LRPAP1: variants seen among roughly 807,000 people sequenced by gnomAD.
LRPAP1 encodes the protein alpha-2-macroglobulin receptor-associated protein.
LRPAP1 carries 41 observed loss-of-function variants against 39.9 expected under a neutral mutation model. That is an observed-to-expected ratio of 1.03 (90% confidence interval 0.80 to 1.33). The LOEUF is 1.33. Among genes scored for constraint, LRPAP1 ranks in the 40% most tolerant of loss-of-function variants. The pLI is 0.00. For synonymous variants in LRPAP1, 263 were observed against 212.7 expected (o/e 1.24, Z -2.06); for missense variants, 565 against 482.3 (o/e 1.17, Z -1.61).
In LRPAP1 at chr4:3,520,151, C is replaced by T. The variant is rs367608534; in HGVS notation, c.392G>A (p.Arg131Gln). The T allele has an allele frequency of 3.4e-5, 55 of 1,614,048 alleles. No homozygotes were observed. The highest frequency in any genetic ancestry group is 2.1e-4 in the African/African-American group (16 of 74,920). ...KYGLDGKKDA[R>Q]QVTSNSLSGT... ...ACTGAGGGAGTTGCTGGTCACCTGC[C>T]GAGCGTCCTTCTTTCCGTCCAGACC... Residue 131 changes from arginine to glutamine, a missense_variant, in exon 3 of 8, where the codon CGG becomes CAG. Arg to Gln is a conservative substitution (Grantham distance 43). Coordinates refer to ENST00000650182, the MANE Select transcript of LRPAP1 (RefSeq NM_002337.4).
chr4:3,523,527 TG>T (rs1304953054), intron 2 of LRPAP1, among the ~76,000 whole-genome samples: 1 of 152,146 alleles, frequency 6.6e-6, no homozygotes, highest in Non-Finnish European at 1.5e-5. Flanking sequence ...GAGGGGTGGC[TG>T]GGAACAGACC....
At chr4:3,526,078 G>C (rs552504943) in intron 1 of LRPAP1, among the ~76,000 whole-genome samples, 2 of 152,382 alleles carry the variant, frequency 1.3e-5, no homozygotes, top group South Asian at 2.1e-4. Context: ...CACGGAGACA[G>C]GGTGCTGTCC....
Position 3,511,748 on chromosome 4 carries a change from G to C in LRPAP1, c.*1226C>G, listed in dbSNP as rs1055266076. On this transcript the variant is annotated 3_prime_UTR_variant, in exon 8 of 8. Coordinates refer to ENST00000650182, the MANE Select transcript of LRPAP1 (RefSeq NM_002337.4). ...GGGAACCACGCTCGGAGCTGGACCC[G>C]GACCCGAGCCTCTTCCAGGCTCAGA... 1 of 151,518 alleles carries C rather than the reference G, an allele frequency of 6.6e-6. No homozygotes were observed. Among genetic ancestry groups the C allele is most frequent in the Non-Finnish European group, 1.5e-5 (1 of 67,958 alleles). 9.4% of individuals were successfully genotyped at this position (151,518 alleles called of 1,614,324 possible).
At position 3,529,914 on chromosome 4, in the gene LRPAP1, C is replaced by T. The variant is rs77903343; in HGVS notation, c.204+2295G>A. Among the ~76,000 whole-genome samples, 7 of 152,298 alleles carry T rather than the reference C, an allele frequency of 4.6e-5. No homozygotes were observed. In the East Asian group the frequency reaches 1.3e-3, roughly 29 times the overall value. On this transcript the variant is annotated intron_variant, in intron 1 of 7. Coordinates refer to ENST00000650182, the MANE Select transcript of LRPAP1 (RefSeq NM_002337.4). The stretch of plus-strand genomic sequence containing the variant: ...AAGCAAACCAAAGAAAGGACAAGAC[C>T]GTCCTGGCTGCTGAGCGCAGGTCGC...
chr4:3,517,688 G>A (rs1011095584), intron 5 of LRPAP1: 4 of 194,942 alleles, frequency 2.1e-5, no homozygotes, highest in Non-Finnish European at 4.2e-5. Flanking sequence ...AGATGGAGAC[G>A]GAGCTATGTT....
rs35919694 is a variant in LRPAP1 at position 3,514,824 on chromosome 4, G to T, written c.939C>A (p.Asp313Glu). 1 of 1,613,462 alleles carries T rather than the reference G, an allele frequency of 6.2e-7. No individual in the cohort carries two copies. Among genetic ancestry groups the T allele is most frequent in the South Asian group, 1.1e-5 (1 of 91,092 alleles). ...EKLRHAESVG[D>E]GERVSRSREK... is the part of the protein sequence containing the mutation. ...CGCGGCTGCGGCTCACACGCTCGCC[G>T]TCGCCCACGCTCTCTGCGTGCCTCA... is the stretch of plus-strand genomic sequence containing the variant. The change falls in exon 7 of 8, where the codon GAC (aspartate) becomes GAA (glutamate). Residue 313 changes from aspartate to glutamate, a missense_variant. Transcript: ENST00000650182.
At chr4:3,519,554 A>C (rs1345646798) in intron 3 of LRPAP1, among the ~76,000 whole-genome samples, 2 of 152,200 alleles carry the variant, frequency 1.3e-5, no homozygotes, top group Non-Finnish European at 2.9e-5. Flanking sequence ...ATCCAGAGAA[A>C]CTGTTCTGGA....
At position 3,507,484 on chromosome 4, in the gene LRPAP1, A is replaced by G. The variant is rs886568796; in HGVS notation, c.*5490T>C. ...ATTTACCTACATATCATATATTTAT[A>G]CATTATCATCTGCGAATTACTGACA... On this transcript the variant is annotated 3_prime_UTR_variant, in exon 8 of 8. Transcript: ENST00000650182. The G allele has an allele frequency of 2.0e-5, 3 of 149,154 alleles. No homozygotes were observed. Among genetic ancestry groups the G allele is most frequent in the African/African-American group, 7.4e-5 (3 of 40,426 alleles). The allele number at this position is 149,154 out of a possible 1,614,324, so 9.2% of individuals were successfully genotyped here.
At position 3,505,266 on chromosome 4, in the gene LRPAP1, G is replaced by A. The variant is rs1729318892; in HGVS notation, c.*7708C>T. ...TCCCGCAGCGGCTGCGGTGGCAGTG[G>A]TGGGGGAGCAGGCATGGCACCCGGA... On this transcript the variant is annotated 3_prime_UTR_variant, in exon 8 of 8. Transcript: ENST00000650182. Among the ~76,000 whole-genome samples, 2 of 152,212 alleles carry A rather than the reference G, an allele frequency of 1.3e-5. No individual in the cohort carries two copies. Among genetic ancestry groups the A allele is most frequent in the Non-Finnish European group, 2.9e-5 (2 of 68,028 alleles).
At chr4:3,531,564 C>T (rs992681563) in intron 1 of LRPAP1, among the ~76,000 whole-genome samples, 4 of 152,200 alleles carry the variant, frequency 2.6e-5, no homozygotes, top group African/African-American at 9.6e-5. Context: ...AAGCTGTTGT[C>T]CCGGGGGGCC....
intron 7 of LRPAP1, among the ~76,000 whole-genome samples, chr4:3,513,746 C>G (rs949533409): frequency 6.6e-6 from 1 of 152,246 alleles, no homozygotes; most frequent in Non-Finnish European, 1.5e-5. Flanking sequence ...AGCATCCCCA[C>G]AGATACCACC....
At position 3,512,711 on chromosome 4, in the gene LRPAP1, G is replaced by C; in HGVS notation, c.*263C>G. ...CAGCTGGACATCGAGGTCCTCACTG[G>C]GGTGGTGACTGCCACGCTGATGCTG... On this transcript the variant is annotated 3_prime_UTR_variant, in exon 8 of 8. Coordinates refer to ENST00000650182, the MANE Select transcript of LRPAP1 (RefSeq NM_002337.4). 1 of 508,778 alleles carries C rather than the reference G, an allele frequency of 2.0e-6. No individual in the cohort carries two copies. The highest frequency in any genetic ancestry group is 3.5e-6 in the Non-Finnish European group (1 of 285,580). 31.5% of individuals were successfully genotyped at this position (508,778 alleles called of 1,614,324 possible).
chr4:3,504,012 G>A lies in LRPAP1; in HGVS notation c.*8962C>T, dbSNP rs1729279026. ...CCTAGGGGGCTGACCAGCAGGGTGG[G>A]GCAGACACCAGGCTCCAGCCCAGCC... On this transcript the variant is annotated 3_prime_UTR_variant, in exon 8 of 8. Transcript: ENST00000650182. The A allele has an allele frequency of 6.6e-6, 1 of 152,440 alleles. No homozygotes were observed. Among genetic ancestry groups the A allele is most frequent in the Admixed American group, 6.5e-5 (1 of 15,288 alleles). 9.4% of individuals were successfully genotyped at this position (152,440 alleles called of 1,614,324 possible). A position where few individuals can be genotyped will look rare whatever the true frequency, so the allele number is the denominator to read the frequency against.
chr4:3,521,257 G>C (rs1195695197), intron 2 of LRPAP1, among the ~76,000 whole-genome samples: 1 of 152,224 alleles, frequency 6.6e-6, no homozygotes, highest in East Asian at 1.9e-4. Flanking sequence ...TCCGGGCCGA[G>C]AGGGCCCCGA....
chr4:3,531,858 G>A, intron 1 of LRPAP1: 1 of 347,410 alleles, frequency 2.9e-6, no homozygotes, highest in South Asian at 4.8e-5. Flanking sequence ...ATAAGGTTGA[G>A]GGAACAGGCA....
At chr4:3,518,307 G>C (rs1218850378) in intron 4 of LRPAP1, 115 bp from the exon 5 acceptor site, 1 of 1,153,432 alleles carries the variant, frequency 8.7e-7, no homozygotes, top group Non-Finnish European at 1.2e-6. Context: ...TTTCTGGGCT[G>C]AAAATGTCCC....
chr4:3,507,671 CAA>C lies in LRPAP1; in HGVS notation c.*5301_*5302del, dbSNP rs1560248083. 1 of 151,020 alleles carries C rather than the reference CAA, an allele frequency of 6.6e-6. No individual in the cohort carries two copies. The highest frequency in any genetic ancestry group is 1.9e-4 in the East Asian group (1 of 5,162). The allele number at this position is 151,020 out of a possible 1,614,324, so 9.4% of individuals were successfully genotyped here. ...AAGCCTCTATCAAAAGAACCTAAAA[CAA>C]GGACAGCAAATTGAACACAAAATAG... On this transcript the variant is annotated 3_prime_UTR_variant, in exon 8 of 8. Transcript: ENST00000650182.
rs1477553440 is a variant in LRPAP1, at chr4:3,515,905, T to C, written c.834+211A>G. On this transcript the variant is annotated intron_variant, in intron 6 of 7. Transcript: ENST00000650182. ...ACACGGACAAAAGAACCAAAGCCCC[T>C]CCCTCCAGAGCCTGGCCCCGCCCCT... 6.7e-6 allele frequency: 4 copies of C among 594,316 alleles called. No homozygotes were observed. In the African/African-American group the frequency reaches 7.5e-5, roughly 11 times the overall value. 36.8% of individuals were successfully genotyped at this position (594,316 alleles called of 1,614,324 possible).
intron 5 of LRPAP1, among the ~76,000 whole-genome samples, chr4:3,517,493 T>C (rs35474414): frequency 0.19 from 29,399 of 152,260 alleles, 3,792 homozygotes; most frequent in East Asian, 0.52. Context: ...AGCAGGCTTC[T>C]GGTACACCCT....
Sources: gnomAD v4.1 joint callset for allele counts (sites outside exome capture counted in the v4.1 genomes callset) on GRCh38, gnomAD v4.1.1 for gene constraint, MANE v1.5 for transcripts, NCBI Gene and HGNC (gene_info 2026-07-23, HGNC 2026-07-21) for gene names.